Variants in PGBD5 observed in about 807,000 individuals in gnomAD.
PGBD5 encodes piggyBac transposable element-derived protein 5.
In PGBD5, 14 loss-of-function variants were observed where a neutral mutation model predicts 47.9. The ratio of observed to expected loss-of-function variants is 0.29; its 90% CI spans 0.19 to 0.46. The LOEUF (loss-of-function observed/expected upper bound fraction) is 0.46. Ranked by LOEUF, PGBD5 falls within the 20% of genes least tolerant of loss-of-function variation. PGBD5 has a pLI of 1.00. For synonymous variants in PGBD5, 316 were observed against 306.3 expected (o/e 1.03, Z -0.33); for missense variants, 635 against 716.0 (o/e 0.89, Z 1.29).
Position 230,332,997 on chromosome 1 carries a change from T to G in PGBD5, c.1120A>C (p.Thr374Pro), listed in dbSNP as rs1571825786. The stretch of plus-strand genomic sequence containing the variant: ...GTCAGCATGGACAGTGGGAGGCCGG[T>G]GCAGTCACTCTTCCGCGCGCGGAGC... ...GLLRARKSDC[T>P]GLPLSMLTNP... is the part of the protein sequence containing the mutation. Residue 374 changes from threonine to proline, a missense_variant, in exon 5 of 7, where the codon ACC becomes CCC. By Grantham distance (38) the Thr-to-Pro change is conservative (BLOSUM62 -1). Coordinates refer to ENST00000391860, the MANE Select transcript of PGBD5 (RefSeq NM_001258311.2). 6.2e-7 allele frequency: 1 copy of G among 1,612,722 alleles called. No individual in the cohort carries two copies. The highest frequency in any genetic ancestry group is 8.5e-7 in the Non-Finnish European group (1 of 1,179,372).
At position 230,347,026 on chromosome 1, in the gene PGBD5, C is replaced by T. The variant is rs1667484856; in HGVS notation, c.894+3932G>A. The stretch of plus-strand genomic sequence containing the variant: ...AAAACAGGGACCTGTCCAACTCTTA[C>T]CAATAAATAAATAAATAAAATAAAA... On this transcript the variant is annotated intron_variant, in intron 3 of 6. Coordinates refer to ENST00000391860, the MANE Select transcript of PGBD5 (RefSeq NM_001258311.2). Among the ~76,000 whole-genome samples the T allele has an allele frequency of 2.0e-5, 3 of 152,118 alleles. No individual in the cohort carries two copies. The South Asian group carries it at 6.2e-4, about 32-fold the overall frequency.
At chr1:230,345,427 G>A (rs1012162998) in intron 3 of PGBD5, among the ~76,000 whole-genome samples, 1 of 152,230 alleles carries the variant, frequency 6.6e-6, no homozygotes, top group Admixed American at 6.5e-5. Flanking sequence ...TTGGCTCACA[G>A]GGGAGCCTGC....
chr1:230,377,077 G>A (rs1261756105), intron 1 of PGBD5, among the ~76,000 whole-genome samples: 2 of 152,184 alleles, frequency 1.3e-5, no homozygotes, highest in African/African-American at 4.8e-5. Flanking sequence ...CAGAGCAGAG[G>A]TCAGTCTGGC....
chr1:230,397,138 C>G (rs534755069), intron 1 of PGBD5, among the ~76,000 whole-genome samples: 3 of 152,326 alleles, frequency 2.0e-5, no homozygotes, highest in East Asian at 3.9e-4. Flanking sequence ...ATTGCCCACC[C>G]GCACACGCGC....
At chr1:230,363,020 T>A (rs1321327007) in intron 1 of PGBD5, among the ~76,000 whole-genome samples, 1 of 152,160 alleles carries the variant, frequency 6.6e-6, no homozygotes, top group Non-Finnish European at 1.5e-5. Flanking sequence ...GGGGTGGGCC[T>A]ACTGAGTCCC....
At chr1:230,351,238 T>A (rs961070632) in intron 2 of PGBD5, 146 bp from the exon 3 acceptor site, 9 of 870,268 alleles carry the variant, frequency 1.0e-5, no homozygotes, top group Admixed American at 1.0e-4. Context: ...CTGACCCTTC[T>A]TATCTATAGG....
intron 1 of PGBD5, among the ~76,000 whole-genome samples, chr1:230,388,087 C>T (rs1334015780): frequency 1.3e-5 from 2 of 152,102 alleles, no homozygotes. Context: ...ATGTTGGCCC[C>T]AAAGCTGAAA....
chr1:230,361,408 T>C (rs943100129), intron 1 of PGBD5, among the ~76,000 whole-genome samples: 4 of 152,112 alleles, frequency 2.6e-5, no homozygotes, highest in Admixed American at 2.6e-4. Context: ...TTGTGCATGC[T>C]GATGGTGCAT....
At chr1:230,392,763 C>T (rs940069982) in intron 1 of PGBD5, among the ~76,000 whole-genome samples, 2 of 152,188 alleles carry the variant, frequency 1.3e-5, no homozygotes, top group Admixed American at 6.5e-5. Flanking sequence ...GAGATACAAG[C>T]CCCACAGTGC....
chr1:230,341,838 T>C (rs1027965759), intron 3 of PGBD5, among the ~76,000 whole-genome samples: 1 of 152,180 alleles, frequency 6.6e-6, no homozygotes, highest in African/African-American at 2.4e-5. Flanking sequence ...AAATGTACCA[T>C]TTGGTGGTTG....
chr1:230,398,869 C>T (rs776544063), intron 1 of PGBD5, among the ~76,000 whole-genome samples: 21 of 152,152 alleles, frequency 1.4e-4, no homozygotes, highest in Non-Finnish European at 2.8e-4. Flanking sequence ...CATGGGCCAG[C>T]ATGGAGTCCC....
Position 230,357,175 on chromosome 1 carries a change from C to T in PGBD5, c.478G>A (p.Val160Met), listed in dbSNP as rs779689307. 2.5e-6 allele frequency: 4 copies of T among 1,614,146 alleles called. No homozygotes were observed. The highest frequency in any genetic ancestry group is 1.3e-5 in the African/African-American group (1 of 75,024). ...TTCATCTCCGTCAGCGTCACCTCCA[C>T]CCAGGCTCCGTCGCTCCCAAACCGC... Reference protein sequence around the residue: ...QERFGSDGAWVEVTLTEMKAF... With the variant: ...QERFGSDGAWMEVTLTEMKAF... Residue 160 changes from valine to methionine, a missense_variant, in exon 2 of 7, where the codon GTG becomes ATG. Coordinates refer to ENST00000391860, the MANE Select transcript of PGBD5 (RefSeq NM_001258311.2). This position sits in a 1 kb window ranked among gnomAD's most constrained non-coding sequence, Gnocchi z 5.7.
At chr1:230,409,231 G>C (rs986350623) in intron 1 of PGBD5, among the ~76,000 whole-genome samples, 1 of 152,162 alleles carries the variant, frequency 6.6e-6, no homozygotes, top group African/African-American at 2.4e-5. Context: ...AGAATATGAA[G>C]AAACTGGAAC....
chr1:230,393,950 G>A (rs1276470083), intron 1 of PGBD5, among the ~76,000 whole-genome samples: 1 of 152,004 alleles, frequency 6.6e-6, no homozygotes, highest in African/African-American at 2.4e-5. Flanking sequence ...ACCTGCCCCG[G>A]CCTGGCATCC....
At chr1:230,408,698 C>T (rs992903838) in intron 1 of PGBD5, among the ~76,000 whole-genome samples, 1 of 151,832 alleles carries the variant, frequency 6.6e-6, no homozygotes, top group African/African-American at 2.4e-5. Context: ...ACATCATATA[C>T]CAAAAAAACT....
chr1:230,320,868 A>T lies in PGBD5; in HGVS notation c.*2557T>A, dbSNP rs1450903729. 1 of 152,234 alleles carries T rather than the reference A, an allele frequency of 6.6e-6. No homozygotes were observed. The highest frequency in any genetic ancestry group is 6.5e-5 in the Admixed American group (1 of 15,276). 9.4% of individuals were successfully genotyped at this position (152,234 alleles called of 1,614,324 possible). A position where few individuals can be genotyped will look rare whatever the true frequency, so the allele number is the denominator to read the frequency against. On this transcript the variant is annotated 3_prime_UTR_variant, in exon 7 of 7. Coordinates refer to ENST00000391860, the MANE Select transcript of PGBD5 (RefSeq NM_001258311.2). The stretch of plus-strand genomic sequence containing the variant: ...GGAGAAGAGAAACTCTTCTCAGTCA[A>T]CAGCATTCCTCCAGAGACCTGAAGT...
At chr1:230,334,957 G>A (rs1461856250) in intron 4 of PGBD5, among the ~76,000 whole-genome samples, 2 of 150,112 alleles carry the variant, frequency 1.3e-5, no homozygotes. Flanking sequence ...CCATATCGAT[G>A]GCCCGGGATA....
intron 1 of PGBD5, among the ~76,000 whole-genome samples, chr1:230,396,278 A>C (rs1336816591): frequency 5.9e-4 from 6 of 10,238 alleles, no homozygotes; most frequent in Admixed American, 9.7e-4. Flanking sequence ...TTTTACCCCC[A>C]CACTCTTCCC....
At chr1:230,394,870 TCC>T (rs544412280) in intron 1 of PGBD5, among the ~76,000 whole-genome samples, 11 of 43,744 alleles carry the variant, frequency 2.5e-4, no homozygotes, top group Non-Finnish European at 9.0e-5. Flanking sequence ...CTCATGCTCC[TCC>T]CCCCTCTCCT....
Sources: allele counts gnomAD v4.1 joint callset (sites outside exome capture counted in the v4.1 genomes callset), GRCh38; gene constraint gnomAD v4.1.1; non-coding constraint Gnocchi (gnomAD v3.1); transcripts MANE v1.5; gene names NCBI Gene and HGNC (gene_info 2026-07-23, HGNC 2026-07-21).